CSMD3: variants seen among roughly 807,000 people sequenced by gnomAD.
CSMD3 encodes the protein CUB and sushi domain-containing protein 3.
In CSMD3, 177 loss-of-function variants were observed where a neutral mutation model predicts 435.2. The observed-to-expected ratio is 0.41, with a 90% CI of 0.36 to 0.46. The LOEUF is 0.46. Among genes scored for constraint, CSMD3 ranks in the 20% least tolerant of loss-of-function variants. CSMD3 has a pLI of 0.34. For missense variants in CSMD3, 4,265 were observed against 4,504.6 expected (o/e 0.95, Z 1.52); for synonymous variants, 1,656 against 1,520.5 (o/e 1.09, Z -2.07).
At chr8:112,380,154 G>A (rs1301918033) in intron 38 of CSMD3, among the ~76,000 whole-genome samples, 198 bp downstream of exon 38, 1 of 152,126 alleles carries the variant, frequency 6.6e-6, no homozygotes, top group African/African-American at 2.4e-5. Context: ...AAAAAAACTT[G>A]TAAATTCTTG....
chr8:112,829,445 T>C (rs1175324959), intron 12 of CSMD3, among the ~76,000 whole-genome samples: 1 of 152,180 alleles, frequency 6.6e-6, no homozygotes, highest in Non-Finnish European at 1.5e-5. Flanking sequence ...ACATTTCTAT[T>C]GTTTATAAGT....
At chr8:112,957,507 G>C (rs1476509794) in intron 7 of CSMD3, among the ~76,000 whole-genome samples, 2 of 152,130 alleles carry the variant, frequency 1.3e-5, no homozygotes, top group African/African-American at 2.4e-5. Context: ...AGGCTGGAGT[G>C]CAGTGGCGCG....
At chr8:112,537,446 A>G (rs1238013932) in intron 27 of CSMD3, among the ~76,000 whole-genome samples, 1 of 151,612 alleles carries the variant, frequency 6.6e-6, no homozygotes, top group Non-Finnish European at 1.5e-5. Context: ...TAAAATGAAA[A>G]CTCTCTTTTT....
At chr8:113,265,257 T>C (rs72670726) in intron 3 of CSMD3, among the ~76,000 whole-genome samples, 9,967 of 151,410 alleles carry the variant, frequency 0.066, 445 homozygotes, top group Non-Finnish European at 0.094. Context: ...GATAAGTATG[T>C]GAGCCAATAA....
chr8:112,869,834 A>G (rs1036902655), intron 10 of CSMD3, among the ~76,000 whole-genome samples: 3 of 152,204 alleles, frequency 2.0e-5, no homozygotes, highest in African/African-American at 4.8e-5. Flanking sequence ...TTGAACAATG[A>G]GAACACATGG....
intron 1 of CSMD3, among the ~76,000 whole-genome samples, chr8:113,384,535 C>T (rs1588639289): frequency 3.3e-5 from 5 of 152,062 alleles, no homozygotes; most frequent in Admixed American, 3.3e-4. Flanking sequence ...GCTGGAGAAA[C>T]AAAGGCAAAC....
intron 59 of CSMD3, among the ~76,000 whole-genome samples, chr8:112,272,312 A>C (rs1003032204): frequency 6.6e-6 from 1 of 152,168 alleles, no homozygotes; most frequent in Non-Finnish European, 1.5e-5. Context: ...TTTTTTGCAT[A>C]CCTCATTAAT....
intron 1 of CSMD3, among the ~76,000 whole-genome samples, chr8:113,409,527 A>T (rs928453029): frequency 6.6e-6 from 1 of 152,166 alleles, no homozygotes. Context: ...GGCACTGTAT[A>T]TTCATGCCTA....
At chr8:112,864,872 A>T (rs2129950642) in intron 10 of CSMD3, among the ~76,000 whole-genome samples, 1 of 152,314 alleles carries the variant, frequency 6.6e-6, no homozygotes, top group South Asian at 2.1e-4. Context: ...CTTAACTTTT[A>T]GTGCTTTAGA....
chr8:112,236,732 G>T (rs1487146317), intron 67 of CSMD3, among the ~76,000 whole-genome samples: 1 of 152,112 alleles, frequency 6.6e-6, no homozygotes, highest in Non-Finnish European at 1.5e-5. Flanking sequence ...CCAGGTTTTG[G>T]TTCCCTTATG....
In CSMD3 at chr8:112,841,231, A is replaced by G. The variant is rs1036420590; in HGVS notation, c.1756-11442T>C. On this transcript the variant is annotated intron_variant, in intron 11 of 70. Coordinates refer to ENST00000297405, the MANE Select transcript of CSMD3 (RefSeq NM_198123.2). Reference sequence around the variant, plus strand: ...GGCCTCTATGATCTAATCTTTCTTTAGTTCTACAGTCTCCATGTTGCCCAT... The same window carrying G: ...GGCCTCTATGATCTAATCTTTCTTTGGTTCTACAGTCTCCATGTTGCCCAT... 2.0e-4 allele frequency among the ~76,000 whole-genome samples: 31 copies of G among 151,622 alleles called. 1 individual carries two copies. The highest frequency in any genetic ancestry group is 6.6e-4 in the Admixed American group (10 of 15,158).
At chr8:113,122,106 A>C (rs151265655) in intron 4 of CSMD3, among the ~76,000 whole-genome samples, 226 of 152,236 alleles carry the variant, frequency 1.5e-3, no homozygotes, top group African/African-American at 5.2e-3. Flanking sequence ...TCTTGAGACA[A>C]TACCTTCATT....
At chr8:112,649,082 G>GA (rs1235006172) in intron 19 of CSMD3, among the ~76,000 whole-genome samples, 2 of 152,150 alleles carry the variant, frequency 1.3e-5, no homozygotes, top group Non-Finnish European at 2.9e-5. Context: ...TCCTCATACG[G>GA]AAAAAGCCTG....
intron 10 of CSMD3, among the ~76,000 whole-genome samples, chr8:112,879,762 T>A (rs981526845): frequency 1.3e-5 from 2 of 152,072 alleles, no homozygotes; most frequent in African/African-American, 4.8e-5. Flanking sequence ...CTGGTTCCCC[T>A]GAGAGCTGGG....
intron 23 of CSMD3, among the ~76,000 whole-genome samples, chr8:112,579,778 A>C (rs747993712): frequency 3.9e-5 from 6 of 152,056 alleles, no homozygotes; most frequent in Non-Finnish European, 8.8e-5. Flanking sequence ...ATGTCTCTAC[A>C]AGAATGTTAT....
rs1812323392 is a variant in CSMD3 at position 112,223,465 on chromosome 8, A to T, written c.*1306T>A. On this transcript the variant is annotated 3_prime_UTR_variant, in exon 71 of 71. Coordinates refer to ENST00000297405, the MANE Select transcript of CSMD3 (RefSeq NM_198123.2). ...GTAAAACAGCTATAAAAGGAAGACG[A>T]TGACCTATTAAATAAAAATGCTGGC... 5.9e-6 allele frequency: 1 copy of T among 170,402 alleles called. No homozygotes were observed. Among genetic ancestry groups the T allele is most frequent in the Admixed American group, 6.3e-5 (1 of 15,770 alleles). 10.6% of individuals were successfully genotyped at this position (170,402 alleles called of 1,614,324 possible).
intron 5 of CSMD3, among the ~76,000 whole-genome samples, chr8:113,024,684 A>T (rs2131201931): frequency 6.6e-6 from 1 of 152,232 alleles, no homozygotes; most frequent in East Asian, 1.9e-4. Context: ...GTACTGATTT[A>T]CATTTTCTGG....
At chr8:113,273,220 A>T (rs2093543611) in intron 3 of CSMD3, among the ~76,000 whole-genome samples, 1 of 152,034 alleles carries the variant, frequency 6.6e-6, no homozygotes, top group African/African-American at 2.4e-5. Flanking sequence ...GGGATATGTG[A>T]ACTTAAGTGA....
intron 22 of CSMD3, among the ~76,000 whole-genome samples, chr8:112,620,782 T>C (rs1834008089): frequency 6.6e-6 from 1 of 152,148 alleles, no homozygotes; most frequent in Non-Finnish European, 1.5e-5. Context: ...TCCTTAATCC[T>C]TCCCGGGATC....
Sources: gnomAD v4.1 joint callset for allele counts (sites outside exome capture counted in the v4.1 genomes callset) on GRCh38, gnomAD v4.1.1 for gene constraint, MANE v1.5 for transcripts, NCBI Gene and HGNC (gene_info 2026-07-23, HGNC 2026-07-21) for gene names.